The following MS4A6E variants were observed in gnomAD, a reference collection of about 807,000 sequenced individuals.
The protein encoded by MS4A6E is membrane spanning 4-domains A6E, also known as membrane-spanning 4-domains subfamily A member 6E.
Under a neutral mutation model 13.2 loss-of-function variants are expected in MS4A6E, and 8 were observed. The ratio of observed to expected loss-of-function variants is 0.60; its 90% CI spans 0.35 to 1.09. The LOEUF (loss-of-function observed/expected upper bound fraction) is 1.09. MS4A6E is among the 50% of genes least tolerant of loss of function. MS4A6E has a pLI of 0.02. For missense variants in MS4A6E, 177 were observed against 171.1 expected (o/e 1.03, Z -0.19); for synonymous variants, 72 against 67.6 (o/e 1.06, Z -0.32).
intron 4 of MS4A6E, among the ~76,000 whole-genome samples, chr11:60,340,537 C>T (rs780094027): frequency 2.0e-5 from 3 of 152,118 alleles, no homozygotes; most frequent in Non-Finnish European, 4.4e-5. Flanking sequence ...CTTTATTTAA[C>T]TGAATTTAAA....
intron 2 of MS4A6E, among the ~76,000 whole-genome samples, chr11:60,336,807 C>T (rs952920767): frequency 1.3e-5 from 2 of 152,180 alleles, no homozygotes; most frequent in Non-Finnish European, 2.9e-5. Context: ...CTACCTGTAA[C>T]AATAGCTTTC....
chr11:60,348,361 G>C (rs1306199400), intron 4 of MS4A6E, among the ~76,000 whole-genome samples: 2 of 152,182 alleles, frequency 1.3e-5, no homozygotes, highest in Non-Finnish European at 2.9e-5. Context: ...AGGGTAGAAA[G>C]AGTACAGCTC....
chr11:60,327,923 G>A (rs12797040), intron 1 of MS4A6E, among the ~76,000 whole-genome samples: 52,709 of 151,146 alleles, frequency 0.35, 9,813 homozygotes, highest in East Asian at 0.41. Flanking sequence ...CCAGCTACTC[G>A]GGAGGCTGAG....
In MS4A6E at chr11:60,340,900, A is replaced by C. The variant is rs377062045; in HGVS notation, c.*134A>C. ...TGATAATATGGAAAACCTAACCATT[A>C]TAAAAAAGCAAACTTGAGTTTCCTA... On this transcript the variant is annotated 3_prime_UTR_variant, in exon 5 of 5. Transcript: ENST00000684409. 6.5e-6 allele frequency: 1 copy of C among 154,556 alleles called. No individual in the cohort carries two copies. Among genetic ancestry groups the C allele is most frequent in the Middle Eastern group, 3.2e-3 (1 of 316 alleles). The allele number at this position is 154,556 out of a possible 1,614,324, so 9.6% of individuals were successfully genotyped here.
intron 2 of MS4A6E, among the ~76,000 whole-genome samples, chr11:60,337,345 CT>C (rs1565156386): frequency 6.6e-6 from 1 of 151,208 alleles, no homozygotes; most frequent in Admixed American, 7.0e-5. Flanking sequence ...GTGGTTGATG[CT>C]TGCACGAGGG....
At chr11:60,329,525 G>A (rs1485080501) in intron 1 of MS4A6E, among the ~76,000 whole-genome samples, 4 of 152,156 alleles carry the variant, frequency 2.6e-5, no homozygotes, top group South Asian at 2.1e-4. Flanking sequence ...GGATTGCTGG[G>A]TCAAATGGTA....
At chr11:60,345,933 A>T (rs958837236), downstream of MS4A6E, among the ~76,000 whole-genome samples, 1 of 152,152 alleles carries the variant, frequency 6.6e-6, no homozygotes, top group African/African-American at 2.4e-5. Flanking sequence ...GGAAGAGGGG[A>T]GGCCTGGATT....
chr11:60,345,016 G>C (rs1372811093), downstream of MS4A6E, among the ~76,000 whole-genome samples: 1 of 151,928 alleles, frequency 6.6e-6, no homozygotes, highest in Non-Finnish European at 1.5e-5. Flanking sequence ...CTCACTGCAA[G>C]CTCCACCTCC....
downstream of MS4A6E, among the ~76,000 whole-genome samples, chr11:60,344,916 T>C (rs7933211): frequency 7.3e-6 from 1 of 137,060 alleles, no homozygotes; most frequent in Non-Finnish European, 1.5e-5. Flanking sequence ...GTTTTGTTTT[T>C]TTTGTTTGTT....
At position 60,337,930 on chromosome 11, in the gene MS4A6E, G is replaced by T. The variant is rs2085199748; in HGVS notation, c.337G>T (p.Ala113Ser). The change falls in exon 3 of 5, where the codon GCC becomes TCC. Residue 113 changes from alanine to serine, a missense_variant. Ala to Ser is a moderately conservative substitution (Grantham distance 99, BLOSUM62 1). Coordinates refer to ENST00000684409, the MANE Select transcript of MS4A6E (RefSeq NM_139249.4). ...HSPYTMDCHR[A>S]KASLAGTLSL... is the part of the protein sequence containing the mutation. ...ACCTTACACCATGGACTGCCATAGA[G>T]CCAAAGCCAGTCTGGCTGTAAGTAT... is the stretch of plus-strand genomic sequence containing the variant. 1 of 1,614,032 alleles carries T rather than the reference G, an allele frequency of 6.2e-7. No homozygotes were observed. Among genetic ancestry groups the T allele is most frequent in the Admixed American group, 1.7e-5 (1 of 60,010 alleles).
chr11:60,336,516 G>C (rs1182689410), intron 2 of MS4A6E, among the ~76,000 whole-genome samples: 1 of 152,138 alleles, frequency 6.6e-6, no homozygotes, highest in African/African-American at 2.4e-5. Flanking sequence ...GAGACATCGA[G>C]GCTTTAGTGA....
intron 1 of MS4A6E, among the ~76,000 whole-genome samples, chr11:60,331,610 T>G (rs1049444680): frequency 6.6e-6 from 1 of 152,226 alleles, no homozygotes; most frequent in Non-Finnish European, 1.5e-5. Flanking sequence ...TGATGTGACT[T>G]ACCAACTTTT....
At chr11:60,327,795 C>T (rs1193450706) in intron 1 of MS4A6E, among the ~76,000 whole-genome samples, 1 of 151,864 alleles carries the variant, frequency 6.6e-6, no homozygotes, top group Non-Finnish European at 1.5e-5. Context: ...TTTGGGAGGC[C>T]GAGGTGGGCA....
chr11:60,347,527 C>T (rs2085261559), intron 4 of MS4A6E, among the ~76,000 whole-genome samples: 1 of 143,036 alleles, frequency 7.0e-6, no homozygotes, highest in South Asian at 2.2e-4. Flanking sequence ...AGAATGCACT[C>T]AAGAGGAAAT....
chr11:60,335,868 GT>G (rs1481319086), intron 2 of MS4A6E, among the ~76,000 whole-genome samples: 2 of 152,176 alleles, frequency 1.3e-5, no homozygotes, highest in Non-Finnish European at 2.9e-5. Context: ...GCAGTATTTG[GT>G]TTTGTTAGTT....
At chr11:60,338,345 T>C (rs867864067) in intron 3 of MS4A6E, among the ~76,000 whole-genome samples, 1 of 152,022 alleles carries the variant, frequency 6.6e-6, no homozygotes, top group South Asian at 2.1e-4. Context: ...GTGGTATGTG[T>C]GTGTGGTAGG....
chr11:60,338,043 CTGGT>C, intron 3 of MS4A6E, 96 bp downstream of exon 3: 2 of 1,313,888 alleles, frequency 1.5e-6, no homozygotes, highest in African/African-American at 2.9e-5. Flanking sequence ...TCTGTTAATT[CTGGT>C]TTGGGCATCT....
At chr11:60,345,093 C>T (rs2135068177), downstream of MS4A6E, among the ~76,000 whole-genome samples, 2 of 152,134 alleles carry the variant, frequency 1.3e-5, no homozygotes, top group Middle Eastern at 6.8e-3. Context: ...CGCCACCACA[C>T]CAGGCTAATT....
chr11:60,335,524 A>T (rs923644171), intron 2 of MS4A6E: 3 of 455,338 alleles, frequency 6.6e-6, no homozygotes, highest in African/African-American at 6.0e-5. Flanking sequence ...TTCTCCTCTC[A>T]TCCAGAGTTT....
Sources: gnomAD v4.1 joint callset for allele counts (sites outside exome capture counted in the v4.1 genomes callset) on GRCh38, gnomAD v4.1.1 for gene constraint, MANE v1.5 for transcripts, NCBI Gene and HGNC (gene_info 2026-07-23, HGNC 2026-07-21) for gene names.